RYR2: variants seen among roughly 807,000 people sequenced by gnomAD.
The protein encoded by RYR2 is ryanodine receptor 2.
RYR2 carries 227 observed loss-of-function variants against 601.1 expected under a neutral mutation model. That is an observed-to-expected ratio of 0.38 (90% CI 0.34 to 0.42). The LOEUF (loss-of-function observed/expected upper bound fraction) is 0.42, where lower values mean the gene tolerates loss of function less well. Among genes scored for constraint, RYR2 ranks in the 10% least tolerant of loss-of-function variants. The pLI is 1.00. For missense variants in RYR2, 4,646 were observed against 6,156.5 expected (o/e 0.75, Z 8.21); for synonymous variants, 2,223 against 2,175.1 (o/e 1.02, Z -0.61).
intron 1 of RYR2, among the ~76,000 whole-genome samples, chr1:237,205,289 G>T (rs1348647442): frequency 6.6e-6 from 1 of 152,198 alleles, no homozygotes; most frequent in African/African-American, 2.4e-5. Flanking sequence ...TGGCCCACAG[G>T]TGACTGGCAA....
At chr1:237,432,351 A>G (rs1414369131) in intron 12 of RYR2, among the ~76,000 whole-genome samples, 3 of 152,188 alleles carry the variant, frequency 2.0e-5, no homozygotes, top group Non-Finnish European at 2.9e-5. Context: ...AACAGAATCA[A>G]TAACAACAAT....
chr1:237,713,714 A>G (rs904768240), intron 71 of RYR2, among the ~76,000 whole-genome samples: 1 of 152,110 alleles, frequency 6.6e-6, no homozygotes, highest in Admixed American at 6.5e-5. Flanking sequence ...ATCTCAAAAA[A>G]ATATATATAG....
At chr1:237,698,282 A>G (rs1687671070) in intron 63 of RYR2, among the ~76,000 whole-genome samples, 1 of 152,054 alleles carries the variant, frequency 6.6e-6, no homozygotes, top group Non-Finnish European at 1.5e-5. Flanking sequence ...TATCACTCAT[A>G]TTTCTGTACT....
chr1:237,763,370 G>A (rs896008301), intron 84 of RYR2, among the ~76,000 whole-genome samples: 1 of 152,188 alleles, frequency 6.6e-6, no homozygotes, highest in Non-Finnish European at 1.5e-5. Flanking sequence ...CAAGGAGGAC[G>A]TGACAAGCTG....
intron 29 of RYR2, among the ~76,000 whole-genome samples, chr1:237,572,108 A>G (rs1672760748): frequency 1.3e-5 from 2 of 152,086 alleles, no homozygotes; most frequent in South Asian, 2.1e-4. Context: ...CGGGTGGTGA[A>G]ATTAGTGCTC....
chr1:237,814,334 C>G (rs1346806371), intron 100 of RYR2, among the ~76,000 whole-genome samples: 1 of 152,176 alleles, frequency 6.6e-6, no homozygotes, highest in Admixed American at 6.5e-5. Flanking sequence ...TTGAACGTGT[C>G]CTTTCACAGG....
intron 1 of RYR2, among the ~76,000 whole-genome samples, chr1:237,073,253 ATGGGCCTCTCTCTC>A: frequency 6.6e-6 from 1 of 152,158 alleles, no homozygotes; most frequent in Non-Finnish European, 1.5e-5. Flanking sequence ...CCTGCTTTGG[ATGGGCCTCTCTCTC>A]GAGCAGACAA....
intron 1 of RYR2, among the ~76,000 whole-genome samples, chr1:237,089,170 T>G (rs756653575): frequency 5.9e-5 from 9 of 152,230 alleles, no homozygotes; most frequent in Admixed American, 2.6e-4. Context: ...GCCTCCAACT[T>G]AACCCATTCT....
intron 96 of RYR2, 42 bp downstream of exon 96, chr1:237,795,373 G>A (rs1329420898): frequency 1.9e-6 from 2 of 1,032,070 alleles, no homozygotes; most frequent in Admixed American, 2.5e-5. Context: ...TTAAAGCACA[G>A]TTTAGATTTT....
intron 101 of RYR2, among the ~76,000 whole-genome samples, chr1:237,827,455 C>T (rs746569452): frequency 6.6e-6 from 1 of 151,222 alleles, no homozygotes. Context: ...GTCAACAAGA[C>T]GAAACCCTGT....
chr1:237,501,664 A>G (rs1664653370), intron 21 of RYR2, among the ~76,000 whole-genome samples: 1 of 152,246 alleles, frequency 6.6e-6, no homozygotes, highest in Admixed American at 6.5e-5. Flanking sequence ...TTACAAAAGC[A>G]TCATATTGAA....
At chr1:237,300,072 G>A (rs901646678) in intron 2 of RYR2, among the ~76,000 whole-genome samples, 6 of 152,132 alleles carry the variant, frequency 3.9e-5, no homozygotes, top group Non-Finnish European at 8.8e-5. Context: ...TTTGAGGCCC[G>A]AGTTTTCACT....
intron 74 of RYR2, among the ~76,000 whole-genome samples, chr1:237,724,591 ATAACTTACGTAATATTTTCAT>A (rs1235130982): frequency 6.6e-6 from 1 of 151,984 alleles, no homozygotes; most frequent in Non-Finnish European, 1.5e-5. Context: ...TTTCCCCTGA[ATAACTTACGTAATATTTTCAT>A]GAAATATTAA....
chr1:237,577,488 G>C (rs1306243138), intron 29 of RYR2, among the ~76,000 whole-genome samples: 1 of 150,502 alleles, frequency 6.6e-6, no homozygotes, highest in African/African-American at 2.5e-5. Context: ...AAGGAAGTAG[G>C]AGTGTGTGTT....
intron 1 of RYR2, among the ~76,000 whole-genome samples, chr1:237,098,189 C>T (rs891111527): frequency 2.0e-5 from 3 of 152,032 alleles, no homozygotes; most frequent in Non-Finnish European, 4.4e-5. Flanking sequence ...AACACAGAAA[C>T]GGGCCAGTGA....
At chr1:237,421,640 T>C (rs1160624849) in intron 11 of RYR2, among the ~76,000 whole-genome samples, 1 of 152,216 alleles carries the variant, frequency 6.6e-6, no homozygotes, top group Non-Finnish European at 1.5e-5. Flanking sequence ...TACTCTCAAT[T>C]TGTAGAACAC....
intron 1 of RYR2, among the ~76,000 whole-genome samples, chr1:237,176,707 T>C (rs2148931415): frequency 6.6e-6 from 1 of 152,358 alleles, no homozygotes; most frequent in Admixed American, 6.5e-5. Flanking sequence ...CTACATGTTC[T>C]TTAAAGAAGT....
intron 1 of RYR2, among the ~76,000 whole-genome samples, chr1:237,056,918 A>G (rs1662218406): frequency 6.6e-6 from 1 of 152,176 alleles, no homozygotes; most frequent in Non-Finnish European, 1.5e-5. Flanking sequence ...TGCTGACCCC[A>G]TCTCGGACTC....
intron 26 of RYR2, among the ~76,000 whole-genome samples, chr1:237,549,624 C>CTTT (rs1416623985): frequency 1.6e-5 from 2 of 123,882 alleles, no homozygotes; most frequent in African/African-American, 6.4e-5. Flanking sequence ...GATTCCATAG[C>CTTT]TTTCTTTTTT....
Sources: allele counts gnomAD v4.1 joint callset (sites outside exome capture counted in the v4.1 genomes callset), GRCh38; gene constraint gnomAD v4.1.1; transcripts MANE v1.5; gene names NCBI Gene and HGNC (gene_info 2026-07-23, HGNC 2026-07-21).